PCDH18: variants seen among roughly 807,000 people sequenced by gnomAD.
PCDH18 encodes protocadherin-18.
A neutral mutation model predicts 71.5 loss-of-function variants in PCDH18; 38 were observed. The observed-to-expected ratio is 0.53, with a 90% CI of 0.41 to 0.70. PCDH18 has a LOEUF of 0.70. PCDH18 is among the 30% of genes least tolerant of loss of function. PCDH18 has a pLI of 0.00. For missense variants in PCDH18, 1,334 were observed against 1,384.6 expected, an observed-to-expected ratio of 0.96 and a Z score of 0.58; for synonymous variants, 565 against 505.4, an observed-to-expected ratio of 1.12 and a Z score of -1.58.
rs1560724981 is a variant in PCDH18, at chr4:137,528,511, C to T, written c.2707G>A (p.Asp903Asn). Residue 903 changes from aspartate to asparagine, a missense_variant, in exon 3 of 4, where the codon GAC (aspartate) becomes AAC (asparagine). Physicochemically the swap from Asp to Asn is conservative, Grantham distance 23 (BLOSUM62 1). Transcript: ENST00000344876. ...ATTCTTCCATCTGTGAGAAACAGGT[C>T]GCTGAATCCTTCACCCAACAGCCTA... ...IDRLLGEGFSDLFLTDGRIPA... is the reference protein window; with the variant it reads ...IDRLLGEGFSNLFLTDGRIPA... The T allele has an allele frequency of 3.1e-6, 5 of 1,613,860 alleles. No homozygotes were observed. Among genetic ancestry groups the T allele is most frequent in the South Asian group, 1.1e-5 (1 of 91,068 alleles).
intron 3 of PCDH18, among the ~76,000 whole-genome samples, chr4:137,527,463 T>C (rs1731505244): frequency 6.6e-6 from 1 of 152,228 alleles, no homozygotes. Context: ...GTTGAATCTA[T>C]GGATGTGGAA....
Position 137,529,692 on chromosome 4 carries a change from G to T in PCDH18, c.2397C>A (p.His799Gln). The change falls in exon 1 of 4, where the codon CAC becomes CAA. Residue 799 changes from histidine (H) to glutamine (Q), a missense_variant. Coordinates refer to ENST00000344876, the MANE Select transcript of PCDH18 (RefSeq NM_019035.5). ...TTGTCACCAAACTGTTGAGTGACTG[G>T]TGACTGTTGTGACTCTGCCGGCTGC... ...QMGSRQSHNSHQSLNSLVTIS... is the reference protein window; with the variant it reads ...QMGSRQSHNSQQSLNSLVTIS... 1.2e-6 allele frequency: 2 copies of T among 1,613,838 alleles called. No homozygotes were observed. The highest frequency in any genetic ancestry group is 1.7e-6 in the Non-Finnish European group (2 of 1,179,822).
rs778531138 is a variant in PCDH18 at position 137,521,701 on chromosome 4, A to C, written c.2741-5T>G. The C allele has an allele frequency of 1.6e-5, 25 of 1,586,346 alleles. No homozygotes were observed. Among genetic ancestry groups the C allele is most frequent in the Non-Finnish European group, 2.1e-5 (24 of 1,166,244 alleles). On this transcript the variant is annotated splice_polypyrimidine_tract_variant and splice_region_variant and intron_variant, in intron 3 of 3. Coordinates refer to ENST00000344876, the MANE Select transcript of PCDH18 (RefSeq NM_019035.5). ...CCTCCGTGCAGAGTCTCATAGCTGC[A>C]CTCAAGAAAAACAGTGGGGATTCAT...
At chr4:137,529,437 A>C in intron 1 of PCDH18, 165 bp downstream of exon 1, 1 of 527,182 alleles carries the variant, frequency 1.9e-6, no homozygotes, top group Non-Finnish European at 3.4e-6. Flanking sequence ...CAGTATGCTA[A>C]AGTGTGCATC....
At position 137,520,880 on chromosome 4, in the gene PCDH18, GA is replaced by G; in HGVS notation, c.*148del. The G allele has an allele frequency of 1.8e-6, 1 of 569,284 alleles. No individual in the cohort carries two copies. The highest frequency in any genetic ancestry group is 3.1e-6 in the Non-Finnish European group (1 of 322,150). The allele number at this position is 569,284 out of a possible 1,614,324, so 35.3% of individuals were successfully genotyped here. On this transcript the variant is annotated 3_prime_UTR_variant, in exon 4 of 4. Transcript: ENST00000344876. ...AATCACACTTGCATTGTGTACATACGAAAATACAGTATTTAATATTCAATAT... is the reference window on the plus strand; with the variant it reads ...AATCACACTTGCATTGTGTACATACGAAATACAGTATTTAATATTCAATAT...
At position 137,532,165 on chromosome 4, in the gene PCDH18, A is replaced by G. The variant is rs571311385; in HGVS notation, c.-77T>C. ...TTGCCTCAACTTCCTTTGGCAACGT[A>G]AAGCTACATTTGGTACTTGAAACTT... On this transcript the variant is annotated 5_prime_UTR_variant, in exon 1 of 4. Transcript: ENST00000344876. 16 of 1,129,836 alleles carry G rather than the reference A, an allele frequency of 1.4e-5. No homozygotes were observed. Among genetic ancestry groups the G allele is most frequent in the Non-Finnish European group, 2.2e-5 (16 of 740,442 alleles). The allele number at this position is 1,129,836 out of a possible 1,614,324, so 70.0% of individuals were successfully genotyped here.
chr4:137,527,924 T>A (rs144749584), intron 3 of PCDH18, among the ~76,000 whole-genome samples: 6 of 152,222 alleles, frequency 3.9e-5, no homozygotes, highest in African/African-American at 1.2e-4. Context: ...CAAAATGAAA[T>A]GTTGGCAAAA....
At chr4:137,524,759 A>G (rs1016525485) in intron 3 of PCDH18, among the ~76,000 whole-genome samples, 5 of 152,180 alleles carry the variant, frequency 3.3e-5, no homozygotes, top group Non-Finnish European at 5.9e-5. Flanking sequence ...GTTTAGTTCA[A>G]TGTTGCTGGG....
At position 137,531,280 on chromosome 4, in the gene PCDH18, G is replaced by A; in HGVS notation, c.809C>T (p.Ala270Val). The A allele has an allele frequency of 1.2e-6, 2 of 1,613,986 alleles. No homozygotes were observed. Among genetic ancestry groups the A allele is most frequent in the Non-Finnish European group, 1.7e-6 (2 of 1,179,930 alleles). Residue 270 changes from alanine (A) to valine (V), a missense_variant, in exon 1 of 4, where the codon GCC becomes GTC. This residue lies in a region of PCDH18 where 1,011 missense variants were observed against 1,048.0 expected (regional missense o/e 0.96). Coordinates refer to ENST00000344876, the MANE Select transcript of PCDH18 (RefSeq NM_019035.5). Reference sequence around the variant, plus strand: ...ATTAGCGCCCTCATCTGGATCCGTGGCATTCAGATCTAAGAGCAAAGTGCC... The same window carrying A: ...ATTAGCGCCCTCATCTGGATCCGTGACATTCAGATCTAAGAGCAAAGTGCC... ...PVGTLLLDLN[A>V]TDPDEGANGK... is the part of the protein sequence containing the mutation.
chr4:137,525,146 G>A (rs559117825), intron 3 of PCDH18, among the ~76,000 whole-genome samples: 3 of 152,154 alleles, frequency 2.0e-5, no homozygotes, highest in South Asian at 2.1e-4. Context: ...ATTTTTGCAG[G>A]CATATGCTTA....
chr4:137,530,767 C>A lies in PCDH18; in HGVS notation c.1322G>T (p.Gly441Val). Residue 441 changes from glycine (G) to valine (V), a missense_variant, in exon 1 of 4, where the codon GGG (glycine) becomes GTG (valine). Coordinates refer to ENST00000344876, the MANE Select transcript of PCDH18 (RefSeq NM_019035.5). ...YSLTVIAEDR[G>V]TPSLSTVKHF... ...TTTCACTGTAGAGAGACTGGGTGTC[C>A]CCCTGTCCTCAGCGATTACAGTCAA... 1 of 1,612,184 alleles carries A rather than the reference C, an allele frequency of 6.2e-7. No individual in the cohort carries two copies. Among genetic ancestry groups the A allele is most frequent in the East Asian group, 2.2e-5 (1 of 44,830 alleles).
At position 137,531,555 on chromosome 4, in the gene PCDH18, G is replaced by T; in HGVS notation, c.534C>A (p.Ala178=). ...GAACCTCGATATTAAAAAAATCATTGGCAGAGAGCGAGTATGTGTGGAGGG... is the reference window on the plus strand; with the variant it reads ...GAACCTCGATATTAAAAAAATCATTTGCAGAGAGCGAGTATGTGTGGAGGG... ...ENSLHTYSLS[A]NDFFNIEVRT... is the part of the protein sequence containing the mutation. Residue 178 remains alanine (A), a synonymous_variant, in exon 1 of 4, where the codon GCC becomes GCA. Coordinates refer to ENST00000344876, the MANE Select transcript of PCDH18 (RefSeq NM_019035.5). 1.2e-6 allele frequency: 2 copies of T among 1,613,228 alleles called. No homozygotes were observed. The highest frequency in any genetic ancestry group is 1.3e-5 in the African/African-American group (1 of 75,018).
Position 137,528,496 on chromosome 4 carries a change from C to G in PCDH18, c.2722G>C (p.Asp908His), listed in dbSNP as rs1731543402. 1 of 1,613,872 alleles carries G rather than the reference C, an allele frequency of 6.2e-7. No individual in the cohort carries two copies. Among genetic ancestry groups the G allele is most frequent in the East Asian group, 2.2e-5 (1 of 44,862 alleles). Reference protein sequence around the residue: ...GEGFSDLFLTDGRIPAAMRLC... With the variant: ...GEGFSDLFLTHGRIPAAMRLC... ...CTCTTACCTGCTGGAATTCTTCCAT[C>G]TGTGAGAAACAGGTCGCTGAATCCT... The change falls in exon 3 of 4, where the codon GAT becomes CAT. Residue 908 changes from aspartate (D) to histidine (H), a missense_variant. Asp to His is a moderately conservative substitution (Grantham distance 81). Coordinates refer to ENST00000344876, the MANE Select transcript of PCDH18 (RefSeq NM_019035.5).
rs147676370 is a variant in PCDH18 at position 137,521,174 on chromosome 4, G to T, written c.3263C>A (p.Ala1088Asp). The T allele has an allele frequency of 1.2e-6, 2 of 1,614,120 alleles. No homozygotes were observed. The highest frequency in any genetic ancestry group is 2.2e-5 in the South Asian group (2 of 91,076). ...SVQPSSKWLP[A>D]MEEIPENYEE... The stretch of plus-strand genomic sequence containing the variant: ...ATAATTTTCAGGGATCTCCTCCATG[G>T]CTGGCAGCCATTTTGAAGAAGGCTG... Residue 1088 changes from alanine (A) to aspartate (D), a missense_variant, in exon 4 of 4, where the codon GCC becomes GAC. Coordinates refer to ENST00000344876, the MANE Select transcript of PCDH18 (RefSeq NM_019035.5).
rs1323288710 is a variant in PCDH18 at position 137,530,409 on chromosome 4, G to A, written c.1680C>T (p.Thr560=). 1 of 1,613,864 alleles carries A rather than the reference G, an allele frequency of 6.2e-7. No individual in the cohort carries two copies. The highest frequency in any genetic ancestry group is 1.7e-5 in the Admixed American group (1 of 59,990). The change falls in exon 1 of 4, where the codon ACC becomes ACT. Residue 560 remains threonine, a synonymous_variant. Transcript: ENST00000344876. Reference sequence around the variant, plus strand: ...CGTCAATGATGGTGAGCACAACTGTGGTATTGCTTACCAGTTGCTTCGGGC... The same window carrying A: ...CGTCAATGATGGTGAGCACAACTGTAGTATTGCTTACCAGTTGCTTCGGGC... ...GGSPKQLVSN[T]TVVLTIIDEN...
Position 137,532,363 on chromosome 4 carries a change from G to A in PCDH18, c.-275C>T, listed in dbSNP as rs1306378880. The A allele has an allele frequency of 2.8e-6, 2 of 702,144 alleles. No homozygotes were observed. The highest frequency in any genetic ancestry group is 5.2e-6 in the Non-Finnish European group (2 of 384,920). The allele number at this position is 702,144 out of a possible 1,614,324, so 43.5% of individuals were successfully genotyped here. On this transcript the variant is annotated 5_prime_UTR_variant, in exon 1 of 4. Coordinates refer to ENST00000344876, the MANE Select transcript of PCDH18 (RefSeq NM_019035.5). ...GTGTCACCTCCGCGTTTTCTCCCTT[G>A]TGTAGTCGGAATCCATCTATTGCAG...
Position 137,530,255 on chromosome 4 carries a change from C to A in PCDH18, c.1834G>T (p.Val612Leu). The change falls in exon 1 of 4, where the codon GTG becomes TTG. Residue 612 changes from valine (V) to leucine (L), a missense_variant. Around this residue, in one of 3 missense-constraint regions of PCDH18, gnomAD observed 1,011 missense variants for 1,048.0 expected, o/e 0.96. Coordinates refer to ENST00000344876, the MANE Select transcript of PCDH18 (RefSeq NM_019035.5). ...ATGGCGCAGCTGAGTTCAGCATTCACACCAGAGTCTCTGTCAATTGCCCTT... is the reference window on the plus strand; with the variant it reads ...ATGGCGCAGCTGAGTTCAGCATTCAAACCAGAGTCTCTGTCAATTGCCCTT... Reference protein sequence around the residue: ...RIRAIDRDSGVNAELSCAIVA... With the variant: ...RIRAIDRDSGLNAELSCAIVA... The A allele has an allele frequency of 6.2e-7, 1 of 1,614,136 alleles. No individual in the cohort carries two copies. The highest frequency in any genetic ancestry group is 8.5e-7 in the Non-Finnish European group (1 of 1,180,022).
At chr4:137,523,370 CA>C (rs1178192610) in intron 3 of PCDH18, among the ~76,000 whole-genome samples, 2 of 149,792 alleles carry the variant, frequency 1.3e-5, no homozygotes, top group Non-Finnish European at 3.0e-5. Flanking sequence ...GTGGATGAAA[CA>C]AAAGGGGTTG....
At position 137,521,713 on chromosome 4, in the gene PCDH18, C is replaced by T. The variant is rs113058952; in HGVS notation, c.2741-17G>A. The T allele has an allele frequency of 1.5e-4, 237 of 1,570,736 alleles. 4 individuals are homozygous for T. The African/African-American group carries it at 2.9e-3, about 19-fold the overall frequency. ...GTCTCATAGCTGCACTCAAGAAAAA[C>T]AGTGGGGATTCATTATTATACTTAG... On this transcript the variant is annotated splice_polypyrimidine_tract_variant and intron_variant, in intron 3 of 3. Coordinates refer to ENST00000344876, the MANE Select transcript of PCDH18 (RefSeq NM_019035.5).
Sources: allele counts gnomAD v4.1 joint callset (sites outside exome capture counted in the v4.1 genomes callset), GRCh38; gene constraint gnomAD v4.1.1; regional missense constraint gnomAD v4.1.1; transcripts MANE v1.5; gene names NCBI Gene and HGNC (gene_info 2026-07-23, HGNC 2026-07-21).